Variants in FGF13 observed in about 807,000 individuals in gnomAD.
The protein encoded by FGF13 is fibroblast growth factor 13.
FGF13 carries 2 observed loss-of-function variants against 19.5 expected under a neutral mutation model. The observed-to-expected ratio is 0.10, with a 90% confidence interval of 0.04 to 0.32. The LOEUF is 0.32. Ranked by LOEUF, FGF13 falls within the 10% of genes least tolerant of loss-of-function variation. FGF13 has a pLI of 1.00. For synonymous variants in FGF13, 72 were observed against 76.9 expected, an observed-to-expected ratio of 0.94 and a Z score of 0.33; for missense variants, 113 against 192.7, an observed-to-expected ratio of 0.59 and a Z score of 2.45.
intron 3 of FGF13, among the ~76,000 whole-genome samples, chrX:138,829,439 C>T (rs939509007): frequency 1.8e-5 from 2 of 111,448 alleles, no homozygotes; most frequent in African/African-American, 6.5e-5. Context: ...GTGATCTCTG[C>T]AGACGCCTGT....
chrX:138,635,160 G>T (rs2089168467), intron 4 of FGF13, among the ~76,000 whole-genome samples: 1 of 112,037 alleles, frequency 8.9e-6, no homozygotes. Flanking sequence ...GCCAAATATT[G>T]TATGTTCTCA....
chrX:138,842,580 G>A (rs893082310), intron 3 of FGF13, among the ~76,000 whole-genome samples: 20 of 110,944 alleles, frequency 1.8e-4, no homozygotes, highest in Non-Finnish European at 7.6e-5. Flanking sequence ...CAAAGAAGCA[G>A]AGTAATTTTC....
At chrX:139,204,459 A>C (rs2084449289), upstream of FGF13, among the ~76,000 whole-genome samples, 1 of 112,301 alleles carries the variant, frequency 8.9e-6, no homozygotes, top group African/African-American at 3.2e-5. Context: ...GCGGAGAGCC[A>C]CGCTCGCAAC....
intron 3 of FGF13, among the ~76,000 whole-genome samples, chrX:138,809,225 T>G (rs781742075): frequency 9.0e-6 from 1 of 111,512 alleles, no homozygotes; most frequent in Non-Finnish European, 1.9e-5. Context: ...AATCCAGCAG[T>G]ATATCAAAAA....
At chrX:139,047,062 T>A (rs905977115) in intron 1 of FGF13, among the ~76,000 whole-genome samples, 2 of 112,562 alleles carry the variant, frequency 1.8e-5, no homozygotes, top group Non-Finnish European at 3.7e-5. Flanking sequence ...ATCTACCTCA[T>A]GGGATCTGAG....
At chrX:139,069,513 A>C (rs1307196116) in intron 1 of FGF13, among the ~76,000 whole-genome samples, 1 of 95,863 alleles carries the variant, frequency 1.0e-5, no homozygotes, top group Non-Finnish European at 2.1e-5. Flanking sequence ...ACCTAATGCT[A>C]GATGACGAGT....
At chrX:138,885,019 G>T (rs1271540097) in intron 1 of FGF13, among the ~76,000 whole-genome samples, 1 of 111,747 alleles carries the variant, frequency 8.9e-6, no homozygotes, top group Non-Finnish European at 1.9e-5. Flanking sequence ...TTACCATCAG[G>T]GTGCCTAGTT....
rs929448650 is a variant in FGF13, at chrX:139,155,918, G to A, written c.-113+47498C>T. On this transcript the variant is annotated intron_variant, in intron 1 of 2. Transcript: ENST00000421460. ...GGATCATGGTTTAGGGATTTCCATT[G>A]CTAATGGCCACCTCCTGGTAAAAGC... Among the ~76,000 whole-genome samples the A allele has an allele frequency of 3.3e-4, 37 of 111,978 alleles. No homozygotes were observed. In the East Asian group the frequency reaches 7.3e-3, roughly 22 times the overall value.
chrX:139,084,505 C>T (rs893506580), intron 1 of FGF13, among the ~76,000 whole-genome samples: 5 of 111,603 alleles, frequency 4.5e-5, no homozygotes, highest in African/African-American at 1.6e-4. Context: ...TCTTTGCATT[C>T]GCCTGTTTAG....
At chrX:138,730,994 T>A (rs911514880) in intron 1 of FGF13, among the ~76,000 whole-genome samples, 3 of 111,471 alleles carry the variant, frequency 2.7e-5, no homozygotes, top group Non-Finnish European at 5.7e-5. Flanking sequence ...GTCATAATTA[T>A]AAAATGGTCA....
intron 1 of FGF13, among the ~76,000 whole-genome samples, chrX:139,154,677 T>C (rs2083963371): frequency 8.9e-6 from 1 of 111,958 alleles, no homozygotes; most frequent in African/African-American, 3.2e-5. Context: ...ATAGTAAAAA[T>C]GATGCGGCAA....
At chrX:139,038,296 G>A (rs62602205) in intron 1 of FGF13, among the ~76,000 whole-genome samples, 14,024 of 109,868 alleles carry the variant, frequency 0.13, 736 homozygotes, top group South Asian at 0.18. Context: ...CTTAAACCCC[G>A]ACCACAGCGT....
At chrX:138,765,928 T>C (rs1326323663) in intron 3 of FGF13, among the ~76,000 whole-genome samples, 1 of 111,725 alleles carries the variant, frequency 9.0e-6, no homozygotes, top group Non-Finnish European at 1.9e-5. Context: ...TTTCCTCTGC[T>C]GGGAGTGAAG....
intron 1 of FGF13, among the ~76,000 whole-genome samples, chrX:139,066,478 A>C (rs780638866): frequency 4.5e-5 from 5 of 112,085 alleles, no homozygotes; most frequent in Non-Finnish European, 9.4e-5. Context: ...AAGGGGTATC[A>C]CCACTGATCC....
upstream of FGF13, chrX:138,711,814 CCCCCA>C: frequency 3.1e-6 from 1 of 325,932 alleles, no homozygotes; most frequent in Non-Finnish European, 4.0e-6. Context: ...CCCACCCCCA[CCCCCA>C]CCCCCCCAAG....
At chrX:138,937,213 A>G (rs980289418) in intron 1 of FGF13, among the ~76,000 whole-genome samples, 1 of 111,499 alleles carries the variant, frequency 9.0e-6, no homozygotes, top group Non-Finnish European at 1.9e-5. Context: ...CTAGGGCTAG[A>G]GTTACACAGT....
intron 1 of FGF13, among the ~76,000 whole-genome samples, chrX:139,167,868 G>A (rs1292831275): frequency 1.8e-5 from 2 of 112,244 alleles, no homozygotes; most frequent in East Asian, 5.6e-4. Flanking sequence ...TAAAGTATAA[G>A]TGCTGTGGAT....
At chrX:139,032,558 A>C (rs6634042) in intron 1 of FGF13, among the ~76,000 whole-genome samples, 16,755 of 110,512 alleles carry the variant, frequency 0.15, 1,104 homozygotes, top group African/African-American at 0.25. Context: ...AGAGTAAATG[A>C]GGAAAAGACA....
intron 1 of FGF13, among the ~76,000 whole-genome samples, chrX:139,091,986 T>A (rs941309096): frequency 9.0e-6 from 1 of 110,500 alleles, no homozygotes; most frequent in Admixed American, 9.7e-5. Flanking sequence ...TTATGTTAAA[T>A]GCTGGAAAGA....
Sources: gnomAD v4.1 joint callset for allele counts (sites outside exome capture counted in the v4.1 genomes callset) on GRCh38, gnomAD v4.1.1 for gene constraint, MANE v1.5 for transcripts, NCBI Gene and HGNC (gene_info 2026-07-23, HGNC 2026-07-21) for gene names.